The following CEP41 variants were observed in gnomAD, a reference collection of about 807,000 sequenced individuals.
CEP41 encodes the protein centrosomal protein of 41 kDa.
CEP41 carries 32 observed loss-of-function variants against 44.3 expected under a neutral mutation model. The ratio of observed to expected loss-of-function variants is 0.72; its 90% CI spans 0.54 to 0.97. The LOEUF (loss-of-function observed/expected upper bound fraction) is 0.97, where lower values mean the gene tolerates loss of function less well. Among genes scored for constraint, CEP41 ranks in the 50% least tolerant of loss-of-function variants. The pLI, the probability that CEP41 is intolerant of heterozygous loss-of-function variation, is 0.00. For missense variants in CEP41, 432 were observed against 455.2 expected (o/e 0.95, Z 0.46); for synonymous variants, 151 against 168.5 (o/e 0.90, Z 0.80).
intron 2 of CEP41, among the ~76,000 whole-genome samples, chr7:130,425,988 G>C (rs149427905): frequency 4.6e-5 from 7 of 152,368 alleles, no homozygotes; most frequent in Admixed American, 4.6e-4. Context: ...CAGGGGCTAA[G>C]GGGTGGGAGT....
intron 10 of CEP41, 164 bp from the exon 11 acceptor site, chr7:130,399,203 T>G: frequency 1.3e-6 from 1 of 791,320 alleles, no homozygotes. Context: ...CTCCTCATCC[T>G]TGAGATCAGC....
chr7:130,408,471 TG>T (rs1449310304), intron 5 of CEP41, among the ~76,000 whole-genome samples: 1 of 152,220 alleles, frequency 6.6e-6, no homozygotes, highest in African/African-American at 2.4e-5. Flanking sequence ...TATGTATTTA[TG>T]ACCAGTAAAC....
chr7:130,427,949 A>G lies in CEP41; in HGVS notation c.97+6T>C. The G allele has an allele frequency of 6.3e-7, 1 of 1,585,268 alleles. No homozygotes were observed. Among genetic ancestry groups the G allele is most frequent in the East Asian group, 2.2e-5 (1 of 44,688 alleles). On this transcript the variant is annotated splice_donor_region_variant and intron_variant, in intron 2 of 10. Coordinates refer to ENST00000223208, the MANE Select transcript of CEP41 (RefSeq NM_018718.3). ...TTTTAATTCTAATTTTCTAATCTTT[A>G]CTCACCAGTGTCCAGTCTTGATTTG...
intron 5 of CEP41, among the ~76,000 whole-genome samples, chr7:130,407,255 C>CAA (rs375429923): frequency 0.2 from 3,195 of 15,986 alleles, 35 homozygotes; most frequent in Non-Finnish European, 0.3. Flanking sequence ...CAAGAGTAAA[C>CAA]ACACACACAC....
chr7:130,398,694 G>A lies in CEP41; in HGVS notation c.*197C>T. The A allele has an allele frequency of 5.3e-6, 4 of 761,762 alleles. No homozygotes were observed. The highest frequency in any genetic ancestry group is 9.5e-6 in the Non-Finnish European group (4 of 420,842). The allele number at this position is 761,762 out of a possible 1,614,324, so 47.2% of individuals were successfully genotyped here. ...AGCCTGTCACACCTCTGGTTTTTAT[G>A]GTCACCTGTCAAAATCCTTCCTGAG... On this transcript the variant is annotated 3_prime_UTR_variant, in exon 11 of 11. Transcript: ENST00000223208.
chr7:130,429,409 T>C (rs1335911907), intron 1 of CEP41, among the ~76,000 whole-genome samples: 2 of 152,200 alleles, frequency 1.3e-5, no homozygotes, highest in Non-Finnish European at 2.9e-5. Flanking sequence ...CACATTAAAT[T>C]AGAGTGGCGA....
chr7:130,423,461 A>AG (rs1797569010), intron 2 of CEP41, among the ~76,000 whole-genome samples: 1 of 152,230 alleles, frequency 6.6e-6, no homozygotes. Flanking sequence ...AAAACGATGA[A>AG]CAATAACAAG....
At chr7:130,399,240 G>A (rs2117547957) in intron 10 of CEP41, 2 of 636,366 alleles carry the variant, frequency 3.1e-6, no homozygotes, top group East Asian at 2.8e-5. Context: ...GGACAGAAAT[G>A]AAGGGAAACC....
chr7:130,421,620 A>C (rs1280325845), intron 2 of CEP41: 1 of 1,009,900 alleles, frequency 9.9e-7, no homozygotes, highest in African/African-American at 1.7e-5. Context: ...GAAAAGAGGG[A>C]ATGAATAGTT....
chr7:130,400,402 T>C, intron 9 of CEP41, 148 bp from the exon 10 acceptor site: 1 of 697,348 alleles, frequency 1.4e-6, no homozygotes, highest in South Asian at 1.6e-5. Flanking sequence ...ATTTCATCAT[T>C]AAGCAAATTA....
intron 1 of CEP41, among the ~76,000 whole-genome samples, chr7:130,433,592 C>T (rs1797884064): frequency 6.6e-6 from 1 of 152,132 alleles, no homozygotes; most frequent in African/African-American, 2.4e-5. Flanking sequence ...ATGTCAAAGA[C>T]CCTTTGAGGG....
At chr7:130,425,782 G>A (rs1797643532) in intron 2 of CEP41, among the ~76,000 whole-genome samples, 2 of 152,194 alleles carry the variant, frequency 1.3e-5, no homozygotes, top group South Asian at 4.1e-4. Context: ...GGTTAAACTT[G>A]GTACATTCAT....
At chr7:130,440,786 G>T in intron 1 of CEP41, 148 bp downstream of exon 1, 1 of 224,410 alleles carries the variant, frequency 4.5e-6, no homozygotes, top group Non-Finnish European at 8.3e-6. Context: ...AGCCCGGCCC[G>T]CCCCGCCCCT....
At chr7:130,426,708 GT>G in intron 2 of CEP41, 2 of 454,278 alleles carry the variant, frequency 4.4e-6, no homozygotes, top group Non-Finnish European at 8.8e-6. Context: ...AGAGCTGAGG[GT>G]TTTTGTGGCA....
Position 130,402,619 on chromosome 7 carries a change from G to C in CEP41, c.574+29C>G, listed in dbSNP as rs781825763. The C allele has an allele frequency of 2.5e-6, 4 of 1,613,310 alleles. No individual in the cohort carries two copies. In the South Asian group the frequency reaches 4.4e-5, roughly 18 times the overall value. ...GAGCAGGCTCTCTGTTCTTGAGAGT[G>C]AGGCACTTTAAAGCCTTCTCTCTCT... On this transcript the variant is annotated intron_variant, in intron 7 of 10. Coordinates refer to ENST00000223208, the MANE Select transcript of CEP41 (RefSeq NM_018718.3).
At chr7:130,413,143 C>T (rs1554420184) in intron 3 of CEP41, among the ~76,000 whole-genome samples, 1 of 152,060 alleles carries the variant, frequency 6.6e-6, no homozygotes, top group African/African-American at 2.4e-5. Context: ...AGTTGCCCAC[C>T]ACCAGGCCTG....
chr7:130,415,101 T>C (rs568545039), intron 3 of CEP41, among the ~76,000 whole-genome samples: 13 of 152,182 alleles, frequency 8.5e-5, no homozygotes, highest in Admixed American at 7.2e-4. Flanking sequence ...CCAGGTAGAG[T>C]TGAAAGAATA....
Position 130,396,377 on chromosome 7 carries a change from T to A in CEP41, c.*2514A>T, listed in dbSNP as rs963197810. 2.2e-6 allele frequency: 1 copy of A among 454,190 alleles called. No homozygotes were observed. The highest frequency in any genetic ancestry group is 2.3e-5 in the Admixed American group (1 of 42,574). 28.1% of individuals were successfully genotyped at this position (454,190 alleles called of 1,614,324 possible). ...GGAGAGCTGAGGCCCCCTGCCCTAA[T>A]TGGACTGATTTCCTGATTCATTTAT... On this transcript the variant is annotated 3_prime_UTR_variant, in exon 11 of 11. Transcript: ENST00000223208.
chr7:130,394,998 AG>A lies in CEP41; in HGVS notation c.*3892del. On this transcript the variant is annotated 3_prime_UTR_variant, in exon 11 of 11. Coordinates refer to ENST00000223208, the MANE Select transcript of CEP41 (RefSeq NM_018718.3). Reference sequence around the variant, plus strand: ...AGAACAAAGAGGATCAGCAACAGAGAGGGGAGCCATCAGGGGATCACAATGT... The same window carrying A: ...AGAACAAAGAGGATCAGCAACAGAGAGGGAGCCATCAGGGGATCACAATGT... 1 of 454,090 alleles carries A rather than the reference AG, an allele frequency of 2.2e-6. No individual in the cohort carries two copies. Among genetic ancestry groups the A allele is most frequent in the South Asian group, 1.6e-5 (1 of 64,478 alleles). The allele number at this position is 454,090 out of a possible 1,614,324, so 28.1% of individuals were successfully genotyped here.
Sources: allele counts gnomAD v4.1 joint callset (sites outside exome capture counted in the v4.1 genomes callset), GRCh38; gene constraint gnomAD v4.1.1; transcripts MANE v1.5; gene names NCBI Gene and HGNC (gene_info 2026-07-23, HGNC 2026-07-21).